The following ZNF17 variants were observed in gnomAD, a reference collection of about 807,000 sequenced individuals.
The protein encoded by ZNF17 is zinc finger protein 17, also known as zinc finger protein 17 (HPF3, KOX 10).
A neutral mutation model predicts 7.7 loss-of-function variants in ZNF17; 4 were observed. The observed-to-expected ratio is 0.52, with a 90% confidence interval of 0.26 to 1.20. ZNF17 has a LOEUF of 1.20. Among genes scored for constraint, ZNF17 ranks in the 50% most tolerant of loss-of-function variants. ZNF17 has a pLI of 0.14. For synonymous variants in ZNF17, 249 were observed against 258.8 expected (o/e 0.96, Z 0.36); for missense variants, 738 against 799.5 (o/e 0.92, Z 0.93).
At chr19:57,414,182 C>T (rs1330080614) in intron 2 of ZNF17, among the ~76,000 whole-genome samples, 2 of 151,506 alleles carry the variant, frequency 1.3e-5, no homozygotes, top group East Asian at 1.9e-4. Flanking sequence ...TATAGGCACC[C>T]GCCACCATGC....
intron 3 of ZNF17, 43 bp from the exon 4 acceptor site, chr19:57,419,592 C>G: frequency 6.4e-7 from 1 of 1,563,362 alleles, no homozygotes; most frequent in Non-Finnish European, 8.7e-7. Flanking sequence ...GCTGCCTCTT[C>G]CCTCCAAAGT....
chr19:57,420,350 G>A lies in ZNF17; in HGVS notation c.864G>A (p.Lys288=), dbSNP rs765918193. ...AATGTGGGAAAGCTTTTCTTAGAAA[G>A]TCTCACCTACTTCAGCACCAGAGGA... ...CSECGKAFLR[K]SHLLQHQRIH... Residue 288 remains lysine (K), a synonymous_variant, in exon 4 of 4, where the codon AAG becomes AAA. Coordinates refer to ENST00000307658, the MANE Select transcript of ZNF17 (RefSeq NM_001330617.2). 3.1e-6 allele frequency: 5 copies of A among 1,613,530 alleles called. No homozygotes were observed. In the South Asian group the frequency reaches 4.4e-5, roughly 14 times the overall value.
chr19:57,416,234 C>T (rs2088810522), intron 2 of ZNF17, among the ~76,000 whole-genome samples: 1 of 152,168 alleles, frequency 6.6e-6, no homozygotes, highest in East Asian at 1.9e-4. Flanking sequence ...TGCAGGATTT[C>T]ATGTGCAGAG....
chr19:57,412,790 T>G (rs571648179), intron 1 of ZNF17, among the ~76,000 whole-genome samples: 1 of 152,216 alleles, frequency 6.6e-6, no homozygotes, highest in African/African-American at 2.4e-5. Context: ...AGTATCCTTC[T>G]AAATATGTAC....
At chr19:57,419,547 A>C (rs1568538743) in intron 3 of ZNF17, 88 bp from the exon 4 acceptor site, 7 of 1,402,286 alleles carry the variant, frequency 5.0e-6, no homozygotes, top group Admixed American at 4.4e-5. Flanking sequence ...CCATGGTCTT[A>C]TTTGTGAGTT....
intron 2 of ZNF17, among the ~76,000 whole-genome samples, chr19:57,414,641 G>C (rs1474432053): frequency 6.6e-6 from 1 of 151,756 alleles, no homozygotes; most frequent in Admixed American, 6.6e-5. Context: ...AGTGGTTCTA[G>C]GTCTTTAATC....
At position 57,419,935 on chromosome 19, in the gene ZNF17, C is replaced by A. The variant is rs2014827; in HGVS notation, c.449C>A (p.Thr150Lys). Residue 150 changes from threonine to lysine, a missense_variant, in exon 4 of 4, where the codon ACA becomes AAA. Thr to Lys is a moderately conservative substitution (Grantham distance 78). This residue lies in a region of ZNF17 where 616 missense variants were observed against 663.9 expected (regional missense o/e 0.93). Coordinates refer to ENST00000307658, the MANE Select transcript of ZNF17 (RefSeq NM_001330617.2). ...DSVHLAKRNL[T>K]CMQGGKDFTG... ...GTTCACCTGGCAAAGAGGAACCTCA[C>A]ATGCATGCAGGGTGGCAAGGATTTT... 323,503 of 1,614,086 alleles carry A rather than the reference C, an allele frequency of 0.2. 34,048 individuals are homozygous for A. The highest frequency in any genetic ancestry group is 0.26 in the East Asian group (11,471 of 44,870).
At chr19:57,418,110 G>C (rs543011510) in intron 3 of ZNF17, 72 bp downstream of exon 3, 1 of 1,559,064 alleles carries the variant, frequency 6.4e-7, no homozygotes, top group African/African-American at 1.4e-5. Flanking sequence ...TGGCATCTCC[G>C]TCTCACACCA....
chr19:57,411,282 A>C lies in ZNF17; in HGVS notation c.-145A>C. Reference sequence around the variant, plus strand: ...AAGGTTTCCCCGTTGTACAGAGGCTAGAGTGAGGCTCGGTTGAATCGGTTG... The same window carrying C: ...AAGGTTTCCCCGTTGTACAGAGGCTCGAGTGAGGCTCGGTTGAATCGGTTG... On this transcript the variant is annotated 5_prime_UTR_variant, in exon 1 of 4. Transcript: ENST00000307658. The C allele has an allele frequency of 6.8e-7, 1 of 1,473,110 alleles. No homozygotes were observed. Among genetic ancestry groups the C allele is most frequent in the Non-Finnish European group, 9.2e-7 (1 of 1,082,754 alleles). 91.3% of individuals were successfully genotyped at this position (1,473,110 alleles called of 1,614,324 possible). A position where few individuals can be genotyped will look rare whatever the true frequency, so the allele number is the denominator to read the frequency against.
chr19:57,416,211 A>G (rs2088810376), intron 2 of ZNF17, among the ~76,000 whole-genome samples: 1 of 152,108 alleles, frequency 6.6e-6, no homozygotes, highest in Non-Finnish European at 1.5e-5. Flanking sequence ...TTCTGGTTGC[A>G]TTTGTCATGC....
At chr19:57,417,773 G>A in intron 2 of ZNF17, 139 bp from the exon 3 acceptor site, 1 of 1,031,086 alleles carries the variant, frequency 9.7e-7, no homozygotes. Flanking sequence ...CTTGAATCCG[G>A]GAGGCGGAGC....
Position 57,411,289 on chromosome 19 carries a change from G to A in ZNF17, c.-138G>A. On this transcript the variant is annotated 5_prime_UTR_variant, in exon 1 of 4. Coordinates refer to ENST00000307658, the MANE Select transcript of ZNF17 (RefSeq NM_001330617.2). Reference sequence around the variant, plus strand: ...CCCCGTTGTACAGAGGCTAGAGTGAGGCTCGGTTGAATCGGTTGCAGGCGT... The same window carrying A: ...CCCCGTTGTACAGAGGCTAGAGTGAAGCTCGGTTGAATCGGTTGCAGGCGT... The A allele has an allele frequency of 6.6e-7, 1 of 1,514,500 alleles. No individual in the cohort carries two copies. The highest frequency in any genetic ancestry group is 8.9e-7 in the Non-Finnish European group (1 of 1,117,848). 93.8% of individuals were successfully genotyped at this position (1,514,500 alleles called of 1,614,324 possible).
chr19:57,411,780 G>A (rs1415837861), intron 1 of ZNF17: 63 of 708,760 alleles, frequency 8.9e-5, no homozygotes, highest in Non-Finnish European at 1.1e-4. Flanking sequence ...AGGACAAGGG[G>A]ACCGCTGAGG....
In ZNF17 at chr19:57,411,377, G is replaced by T. The variant is rs976787991; in HGVS notation, c.-50G>T. The T allele has an allele frequency of 1.1e-5, 18 of 1,612,452 alleles. No homozygotes were observed. Among genetic ancestry groups the T allele is most frequent in the Non-Finnish European group, 1.5e-5 (18 of 1,179,408 alleles). On this transcript the variant is annotated 5_prime_UTR_variant, in exon 1 of 4. Transcript: ENST00000307658. The stretch of plus-strand genomic sequence containing the variant: ...GCCCCGCTCTTCCCTGGCTGTGCTG[G>T]CGGAGGCTGCGCCGATGAACCTGAC...
Position 57,413,648 on chromosome 19 carries a change from G to C in ZNF17, c.21+12G>C, listed in dbSNP as rs1268370631. ...TGGATGCTGGACAGGTGAGTGGAGA[G>C]TGTTTCCAGCTTTCACCCATCCCAG... On this transcript the variant is annotated intron_variant, in intron 2 of 3. Coordinates refer to ENST00000307658, the MANE Select transcript of ZNF17 (RefSeq NM_001330617.2). 2.0e-6 allele frequency: 3 copies of C among 1,536,006 alleles called. No homozygotes were observed. The highest frequency in any genetic ancestry group is 2.0e-5 in the Admixed American group (1 of 50,984).
At position 57,420,897 on chromosome 19, in the gene ZNF17, C is replaced by T. The variant is rs550749291; in HGVS notation, c.1411C>T (p.Pro471Ser). 1.2e-6 allele frequency: 2 copies of T among 1,614,114 alleles called. No homozygotes were observed. Among genetic ancestry groups the T allele is most frequent in the South Asian group, 2.2e-5 (2 of 91,080 alleles). ...RHQRVHSGER[P>S]YECSECGKFF... ...TCAGAGAGTTCACTCTGGAGAGAGG[C>T]CTTATGAATGCAGTGAATGTGGCAA... The change falls in exon 4 of 4, where the codon CCT (proline) becomes TCT (serine). Residue 471 changes from proline (P) to serine (S), a missense_variant. Transcript: ENST00000307658.
chr19:57,414,118 C>A (rs1600093215), intron 2 of ZNF17, among the ~76,000 whole-genome samples: 1 of 152,256 alleles, frequency 6.6e-6, no homozygotes, highest in East Asian at 1.9e-4. Context: ...ACTACAACCT[C>A]CGCCTTCCTG....
chr19:57,414,644 C>A (rs933527638), intron 2 of ZNF17, among the ~76,000 whole-genome samples: 7 of 150,784 alleles, frequency 4.6e-5, no homozygotes, highest in Non-Finnish European at 1.0e-4. Context: ...GGTTCTAGGT[C>A]TTTAATCTGA....
chr19:57,421,355 C>A lies in ZNF17; in HGVS notation c.1869C>A (p.Tyr623Ter), dbSNP rs1202135702. Residue 623 changes from tyrosine to a stop codon, truncating the protein, a stop_gained, in exon 4 of 4, where the codon TAC (tyrosine) becomes TAA (stop). Coordinates refer to ENST00000307658, the MANE Select transcript of ZNF17 (RefSeq NM_001330617.2). LOFTEE classifies it low-confidence loss of function (END_TRUNC). ...GTGAATGTGGGAAAGTCTTTAGATACAACTCCAGCCTCATTAAACATCGGA... is the reference window on the plus strand; with the variant it reads ...GTGAATGTGGGAAAGTCTTTAGATAAAACTCCAGCCTCATTAAACATCGGA... ...ECSECGKVFR[Y>*]NSSLIKHRRI... The A allele has an allele frequency of 3.7e-6, 6 of 1,614,082 alleles. No homozygotes were observed. Among genetic ancestry groups the A allele is most frequent in the Non-Finnish European group, 5.1e-6 (6 of 1,180,006 alleles).
Sources: allele counts gnomAD v4.1 joint callset (sites outside exome capture counted in the v4.1 genomes callset), GRCh38; gene constraint gnomAD v4.1.1; regional missense constraint gnomAD v4.1.1; transcripts MANE v1.5; gene names NCBI Gene and HGNC (gene_info 2026-07-23, HGNC 2026-07-21).